Variants in ANK1 observed in about 807,000 individuals in gnomAD.
ANK1 encodes ankyrin 1.
Under a neutral mutation model 210.4 loss-of-function variants are expected in ANK1, and 51 were observed. That is an observed-to-expected ratio of 0.24 (90% CI 0.19 to 0.31). The LOEUF is 0.31. Ranked by LOEUF, ANK1 falls within the 10% of genes least tolerant of loss-of-function variation. The pLI is 1.00. For synonymous variants in ANK1, 967 were observed against 1,025.9 expected (o/e 0.94, Z 1.10); for missense variants, 2,051 against 2,504.4 (o/e 0.82, Z 3.86).
At chr8:41,784,993 C>T (rs550498662) in intron 1 of ANK1, among the ~76,000 whole-genome samples, 5 of 152,314 alleles carry the variant, frequency 3.3e-5, no homozygotes, top group African/African-American at 7.2e-5. Flanking sequence ...CCTGGAAGAG[C>T]GACGCTGGGC....
In ANK1 at chr8:41,674,238, A is replaced by G. The variant is rs552370560; in HGVS notation, c.4538-1326T>C. On this transcript the variant is annotated intron_variant, in intron 37 of 42. Coordinates refer to ENST00000289734, the MANE Select transcript of ANK1 (RefSeq NM_000037.4). ...CCACTCACTGTTCAACCAAAATAAG[A>G]GAGGTCCGATTACATGCCAGGCACT... 2.6e-5 allele frequency among the ~76,000 whole-genome samples: 4 copies of G among 152,312 alleles called. No individual in the cohort carries two copies. In the South Asian group the frequency reaches 8.3e-4, roughly 32 times the overall value.
chr8:41,735,152 A>G (rs773415292), intron 2 of ANK1, among the ~76,000 whole-genome samples: 1 of 152,318 alleles, frequency 6.6e-6, no homozygotes, highest in East Asian at 1.9e-4. Flanking sequence ...AGTTTTATTC[A>G]TCACTCTCAT....
In ANK1 at chr8:41,831,600, G is replaced by A. The variant is rs148434552; in HGVS notation, c.126+64755C>T. Among the ~76,000 whole-genome samples the A allele has an allele frequency of 2.7e-4, 36 of 135,632 alleles. No homozygotes were observed. The East Asian group carries it at 6.7e-3, about 25-fold the overall frequency. 89.0% of individuals were successfully genotyped at this position (135,632 alleles called of 152,430 possible). On this transcript the variant is annotated intron_variant, in intron 1 of 42. Transcript: ENST00000265709. ...GAATTGGAGGTTACAAGTGAGCCAAGATTGCGCCATTGCACTCCAGTGCAG... is the reference window on the plus strand; with the variant it reads ...GAATTGGAGGTTACAAGTGAGCCAAAATTGCGCCATTGCACTCCAGTGCAG...
At position 41,731,817 on chromosome 8, in the gene ANK1, G is replaced by A. The variant is rs145464196; in HGVS notation, c.228+2154C>T. Among the ~76,000 whole-genome samples the A allele has an allele frequency of 3.6e-3, 551 of 152,340 alleles. 4 individuals carry two copies. Among genetic ancestry groups the A allele is most frequent in the Non-Finnish European group, 5.2e-3 (353 of 68,022 alleles). Reference sequence around the variant, plus strand: ...GAAACAGTCGAAGCGCTGAAGCCTCGTGTTTCCGCAGCCCTTGAAGGCACG... The same window carrying A: ...GAAACAGTCGAAGCGCTGAAGCCTCATGTTTCCGCAGCCCTTGAAGGCACG... On this transcript the variant is annotated intron_variant, in intron 3 of 42. Transcript: ENST00000289734.
chr8:41,849,904 G>A (rs1810897568), intron 1 of ANK1, among the ~76,000 whole-genome samples: 2 of 152,114 alleles, frequency 1.3e-5, no homozygotes, highest in South Asian at 4.2e-4. Flanking sequence ...CCTGCGATTG[G>A]CCAGGCACCA....
chr8:41,796,427 C>T (rs1334050970), intron 1 of ANK1, among the ~76,000 whole-genome samples: 1 of 151,870 alleles, frequency 6.6e-6, no homozygotes, highest in Non-Finnish European at 1.5e-5. Context: ...TCACCCTGAA[C>T]CTCTGCCCTA....
At chr8:41,702,631 A>G (rs1205697900) in intron 20 of ANK1, among the ~76,000 whole-genome samples, 1 of 152,252 alleles carries the variant, frequency 6.6e-6, no homozygotes, top group Non-Finnish European at 1.5e-5. Context: ...GGAAATCACA[A>G]ATCACCAGAA....
chr8:41,657,938 G>A (rs999052351), intron 42 of ANK1, among the ~76,000 whole-genome samples: 1 of 152,222 alleles, frequency 6.6e-6, no homozygotes, highest in Non-Finnish European at 1.5e-5. Flanking sequence ...CTAGCGTGCA[G>A]TGGTATAATC....
chr8:41,688,672 G>T, intron 33 of ANK1, 83 bp from the exon 34 acceptor site: 1 of 1,274,056 alleles, frequency 7.8e-7, no homozygotes, highest in South Asian at 1.2e-5. Flanking sequence ...ATGCTGCAGG[G>T]GTGTGGAAGG....
chr8:41,753,520 C>T (rs575223615), intron 2 of ANK1, among the ~76,000 whole-genome samples: 1 of 152,060 alleles, frequency 6.6e-6, no homozygotes, highest in African/African-American at 2.4e-5. Context: ...CCCAGGGGCA[C>T]GCTGTCCCAG....
intron 1 of ANK1, among the ~76,000 whole-genome samples, chr8:41,865,325 G>A (rs773331653): frequency 3.9e-5 from 6 of 152,268 alleles, no homozygotes; most frequent in Middle Eastern, 3.4e-3. Context: ...CAAGGTGTCC[G>A]GCTCCCACAG....
chr8:41,831,615 C>T (rs1481364727), intron 1 of ANK1, among the ~76,000 whole-genome samples: 1 of 135,146 alleles, frequency 7.4e-6, no homozygotes, highest in Non-Finnish European at 1.5e-5. Context: ...CGCCATTGCA[C>T]TCCAGTGCAG....
intron 16 of ANK1, among the ~76,000 whole-genome samples, chr8:41,711,536 CT>C (rs1002050869): frequency 6.6e-6 from 1 of 152,340 alleles, no homozygotes; most frequent in East Asian, 1.9e-4. Context: ...CACATGCCCC[CT>C]GGAGGTCACT....
intron 1 of ANK1, among the ~76,000 whole-genome samples, chr8:41,759,674 T>A (rs562857): frequency 0.99 from 150,338 of 152,364 alleles, 74,198 homozygotes; most frequent in East Asian, 1. Flanking sequence ...TTACATGAGG[T>A]ACTTGAGGAT....
In ANK1 at chr8:41,882,244, T is replaced by C. The variant is rs141542553; in HGVS notation, c.126+14111A>G. On this transcript the variant is annotated intron_variant, in intron 1 of 42. Coordinates refer to the ANK1 transcript ENST00000265709. ...GCGCCTGGTGAGCCACTGAGCTCCATGTAACACCACGGGACACCATCCACA... is the reference window on the plus strand; with the variant it reads ...GCGCCTGGTGAGCCACTGAGCTCCACGTAACACCACGGGACACCATCCACA... Among the ~76,000 whole-genome samples, 550 of 152,212 alleles carry C rather than the reference T, an allele frequency of 3.6e-3. 3 individuals carry two copies. The highest frequency in any genetic ancestry group is 6.1e-3 in the Non-Finnish European group (413 of 68,000).
intron 2 of ANK1, among the ~76,000 whole-genome samples, chr8:41,754,244 G>A (rs1047991381): frequency 2.6e-5 from 4 of 152,240 alleles, no homozygotes; most frequent in Non-Finnish European, 4.4e-5. Context: ...GGCATCTAAA[G>A]TGCAAACAAT....
rs561624257 is a variant in ANK1 at position 41,842,230 on chromosome 8, C to G, written c.126+54125G>C. 2.6e-5 allele frequency among the ~76,000 whole-genome samples: 4 copies of G among 152,282 alleles called. No homozygotes were observed. In the East Asian group the frequency reaches 7.7e-4, roughly 29 times the overall value. ...GAATGAGGCCAGGCGCAGTGGCTCA[C>G]GCCTATAATCCCAGCACTTTGGGAG... On this transcript the variant is annotated intron_variant, in intron 1 of 42. Transcript: ENST00000265709.
chr8:41,770,907 G>T (rs1186058040), intron 1 of ANK1, among the ~76,000 whole-genome samples: 1 of 152,234 alleles, frequency 6.6e-6, no homozygotes, highest in Non-Finnish European at 1.5e-5. Context: ...CCCAGGTGTG[G>T]TGGCCTGCCA....
intron 2 of ANK1, among the ~76,000 whole-genome samples, chr8:41,736,234 T>C (rs939702828): frequency 6.6e-5 from 10 of 152,232 alleles, no homozygotes; most frequent in Admixed American, 2.0e-4. Context: ...TCCCCTCCCC[T>C]TGATTTGCAA....
Sources: allele counts gnomAD v4.1 joint callset (sites outside exome capture counted in the v4.1 genomes callset), GRCh38; gene constraint gnomAD v4.1.1; transcripts MANE v1.5; gene names NCBI Gene and HGNC (gene_info 2026-07-23, HGNC 2026-07-21).